APEH: variants seen among roughly 807,000 people sequenced by gnomAD.
The protein encoded by APEH is acylaminoacyl-peptide hydrolase, also known as acylamino-acid-releasing enzyme.
In APEH, 75 loss-of-function variants were observed where a neutral mutation model predicts 102.7. The ratio of observed to expected loss-of-function variants is 0.73; its 90% CI spans 0.61 to 0.89. The LOEUF (loss-of-function observed/expected upper bound fraction) is 0.89. APEH is among the 40% of genes least tolerant of loss of function. The pLI is 0.00. For synonymous variants in APEH, 344 were observed against 362.7 expected (o/e 0.95, Z 0.59); for missense variants, 863 against 941.2 (o/e 0.92, Z 1.09).
chr3:49,682,894 C>T lies in APEH; in HGVS notation c.1935C>T (p.Leu645=). The change falls in exon 20 of 22, where the codon CTC becomes CTT. Residue 645 remains leucine, a synonymous_variant. Transcript: ENST00000296456. ...TCAGCAGTGACTGCCTGCCAGACCTCAGCGTGTGGGCTGAGATGCTGGACA... is the reference window on the plus strand; with the variant it reads ...TCAGCAGTGACTGCCTGCCAGACCTTAGCGTGTGGGCTGAGATGCTGGACA... ...FPFSSDCLPD[L]SVWAEMLDKS... 1 of 1,614,078 alleles carries T rather than the reference C, an allele frequency of 6.2e-7. No individual in the cohort carries two copies. Among genetic ancestry groups the T allele is most frequent in the Non-Finnish European group, 8.5e-7 (1 of 1,180,038 alleles).
At chr3:49,682,112 G>C (rs901326401) in intron 17 of APEH, 145 bp downstream of exon 17, 2 of 1,010,586 alleles carry the variant, frequency 2.0e-6, no homozygotes, top group African/African-American at 1.6e-5. Context: ...GGAACTGCTG[G>C]GGCCCAGCCT....
Position 49,683,386 on chromosome 3 carries a change from C to A in APEH, c.*44C>A, listed in dbSNP as rs533443649. The A allele has an allele frequency of 1.9e-6, 3 of 1,542,022 alleles. No individual in the cohort carries two copies. Among genetic ancestry groups the A allele is most frequent in the Non-Finnish European group, 2.7e-6 (3 of 1,115,348 alleles). On this transcript the variant is annotated 3_prime_UTR_variant, in exon 22 of 22. Coordinates refer to ENST00000296456, the MANE Select transcript of APEH (RefSeq NM_001640.4). ...GAGCTGATCAGCCTGTGCCACACTT[C>A]GCTCTTGAGGAGCTCAACGGTCTGG...
chr3:49,680,219 C>T (rs148873990), intron 13 of APEH: 3 of 369,164 alleles, frequency 8.1e-6, no homozygotes, highest in South Asian at 2.4e-5. Context: ...CAAATCAGCA[C>T]GCTCCCCGAC....
In APEH at chr3:49,676,994, C is replaced by T. The variant is rs755202628; in HGVS notation, c.969C>T (p.Ile323=). The stretch of plus-strand genomic sequence containing the variant: ...TCTACCTGCAGTACCCATCTCTGAT[C>T]CCCCATCACCAATGCAGCCAGCTGT... ...RIVYLQYPSL[I]PHHQCSQLCL... is the part of the protein sequence containing the mutation. Residue 323 remains isoleucine (I), a synonymous_variant, in exon 10 of 22, where the codon ATC becomes ATT. Coordinates refer to ENST00000296456, the MANE Select transcript of APEH (RefSeq NM_001640.4). 2.5e-6 allele frequency: 4 copies of T among 1,614,128 alleles called. No individual in the cohort carries two copies. The highest frequency in any genetic ancestry group is 3.4e-6 in the Non-Finnish European group (4 of 1,180,030).
At chr3:49,674,747 G>A in intron 2 of APEH, 126 bp downstream of exon 2, 1 of 1,307,260 alleles carries the variant, frequency 7.6e-7, no homozygotes, top group Non-Finnish European at 1.0e-6. Context: ...GGACTTGGAG[G>A]TTACACTCCC....
rs370812363 is a variant in APEH, at chr3:49,674,534, C to T, written c.58C>T (p.Leu20Phe). The T allele has an allele frequency of 1.9e-6, 3 of 1,566,500 alleles. No individual in the cohort carries two copies. Among genetic ancestry groups the T allele is most frequent in the East Asian group, 2.3e-5 (1 of 43,578 alleles). The change falls in exon 2 of 22, where the codon CTT (leucine) becomes TTT (phenylalanine). Residue 20 changes from leucine to phenylalanine, a missense_variant. Transcript: ENST00000296456. The part of the protein sequence containing the change: ...PEEAAALYRG[L>F]SRQPALSAAC... The stretch of plus-strand genomic sequence containing the variant: ...GGAGGCGGCGGCTCTGTATCGGGGC[C>T]TTAGCCGCCAGCCCGCGCTGAGCGC...
In APEH at chr3:49,682,566, C is replaced by T. The variant is rs143205115; in HGVS notation, c.1713C>T (p.Leu571=). Residue 571 remains leucine, a synonymous_variant, in exon 19 of 22, where the codon CTC becomes CTT. Transcript: ENST00000296456. ...KDVQFAVEQV[L]QEEHFDASHV... is the part of the protein sequence containing the mutation. Reference sequence around the variant, plus strand: ...TGCAGTTTGCAGTGGAACAGGTGCTCCAGGAGGAACACTTTGATGCAAGCC... The same window carrying T: ...TGCAGTTTGCAGTGGAACAGGTGCTTCAGGAGGAACACTTTGATGCAAGCC... 38 of 1,613,994 alleles carry T rather than the reference C, an allele frequency of 2.4e-5. No individual in the cohort carries two copies. In the African/African-American group the frequency reaches 4.5e-4, roughly 19 times the overall value.
chr3:49,683,080 G>A lies in APEH; in HGVS notation c.2027G>A (p.Arg676Gln), dbSNP rs748006928. Reference sequence around the variant, plus strand: ...TTACTGATGTTGGGCCAGGAGGACCGGCGTGTGCCCTTCAAGCAGGGCATG... The same window carrying A: ...TTACTGATGTTGGGCCAGGAGGACCAGCGTGTGCCCTTCAAGCAGGGCATG... ...PLLLMLGQED[R>Q]RVPFKQGMEY... The change falls in exon 21 of 22, where the codon CGG becomes CAG. Residue 676 changes from arginine to glutamine, a missense_variant. Coordinates refer to ENST00000296456, the MANE Select transcript of APEH (RefSeq NM_001640.4). 9 of 1,613,944 alleles carry A rather than the reference G, an allele frequency of 5.6e-6. No homozygotes were observed. Among genetic ancestry groups the A allele is most frequent in the South Asian group, 1.1e-5 (1 of 91,092 alleles).
upstream of APEH, chr3:49,674,267 C>T: frequency 8.3e-7 from 1 of 1,204,026 alleles, no homozygotes; most frequent in East Asian, 2.7e-5. Flanking sequence ...CACCCATTAG[C>T]CGAAGGCCCC....
At chr3:49,681,067 A>T in intron 14 of APEH, 34 bp from the exon 15 acceptor site, 1 of 1,534,012 alleles carries the variant, frequency 6.5e-7, no homozygotes. Flanking sequence ...GGAGGCAGCC[A>T]GGCCACCTAT....
Position 49,682,609 on chromosome 3 carries a change from G to A in APEH, c.1756G>A (p.Gly586Ser), listed in dbSNP as rs768801840. 8.7e-6 allele frequency: 14 copies of A among 1,614,010 alleles called. No homozygotes were observed. Among genetic ancestry groups the A allele is most frequent in the African/African-American group, 1.3e-5 (1 of 74,938 alleles). Residue 586 changes from glycine to serine, a missense_variant, in exon 19 of 22, where the codon GGT (glycine) becomes AGT (serine). Coordinates refer to ENST00000296456, the MANE Select transcript of APEH (RefSeq NM_001640.4). The stretch of plus-strand genomic sequence containing the variant: ...TGCAAGCCATGTGGCCCTTATGGGT[G>A]GTTCCCATGGTGGCTTCATTTCCTG... ...FDASHVALMG[G>S]SHGGFISCHL...
Position 49,679,182 on chromosome 3 carries a change from G to A in APEH, c.1158+233G>A, listed in dbSNP as rs1161672727. Among the ~76,000 whole-genome samples, 2 of 152,186 alleles carry A rather than the reference G, an allele frequency of 1.3e-5. No individual in the cohort carries two copies. The highest frequency in any genetic ancestry group is 4.8e-5 in the African/African-American group (2 of 41,438). On this transcript the variant is annotated intron_variant, in intron 12 of 21. Coordinates refer to ENST00000296456, the MANE Select transcript of APEH (RefSeq NM_001640.4). This position sits in a 1 kb window ranked among gnomAD's most constrained non-coding sequence, Gnocchi z 4.3. ...GAGGCAGAGATGCAACCCCTCCCAGGCATTTCTAGCTGGGGGTCAAGGGGA... is the reference window on the plus strand; with the variant it reads ...GAGGCAGAGATGCAACCCCTCCCAGACATTTCTAGCTGGGGGTCAAGGGGA...
In APEH at chr3:49,682,623, C is replaced by T. The variant is rs776928529; in HGVS notation, c.1770C>T (p.Gly590=). Reference sequence around the variant, plus strand: ...CCCTTATGGGTGGTTCCCATGGTGGCTTCATTTCCTGCCACTTGATTGGTC... The same window carrying T: ...CCCTTATGGGTGGTTCCCATGGTGGTTTCATTTCCTGCCACTTGATTGGTC... ...HVALMGGSHG[G]FISCHLIGQY... is the part of the protein sequence containing the mutation. The change falls in exon 19 of 22, where the codon GGC becomes GGT. Residue 590 remains glycine (G), a synonymous_variant. Coordinates refer to ENST00000296456, the MANE Select transcript of APEH (RefSeq NM_001640.4). 1.2e-5 allele frequency: 20 copies of T among 1,613,988 alleles called. No homozygotes were observed. Among genetic ancestry groups the T allele is most frequent in the Admixed American group, 1.0e-4 (6 of 60,010 alleles).
chr3:49,681,073 C>T (rs1382588025), intron 14 of APEH, 28 bp from the exon 15 acceptor site: 2 of 1,553,730 alleles, frequency 1.3e-6, no homozygotes, highest in Middle Eastern at 1.7e-4. Flanking sequence ...AGCCAGGCCA[C>T]CTATGACACA....
At chr3:49,676,328 C>T in intron 6 of APEH, 50 bp from the exon 7 acceptor site, 1 of 1,613,088 alleles carries the variant, frequency 6.2e-7, no homozygotes, top group Non-Finnish European at 8.5e-7. Context: ...TTTTAGGAAG[C>T]AGAGCAGGTC....
In APEH at chr3:49,676,310, G is replaced by T. The variant is rs942606623; in HGVS notation, c.607-68G>T. The T allele has an allele frequency of 9.9e-6, 16 of 1,611,848 alleles. No individual in the cohort carries two copies. In the African/African-American group the frequency reaches 1.9e-4, roughly 19 times the overall value. Reference sequence around the variant, plus strand: ...TACTGTGCCTGTCAGACCTGGGGAGGCACTAGCTTTTAGGAAGCAGAGCAG... The same window carrying T: ...TACTGTGCCTGTCAGACCTGGGGAGTCACTAGCTTTTAGGAAGCAGAGCAG... On this transcript the variant is annotated intron_variant, in intron 6 of 21. Transcript: ENST00000296456.
In APEH at chr3:49,681,872, G is replaced by A. The variant is rs759037563; in HGVS notation, c.1523-15G>A. On this transcript the variant is annotated splice_polypyrimidine_tract_variant and intron_variant, in intron 16 of 21. Coordinates refer to ENST00000296456, the MANE Select transcript of APEH (RefSeq NM_001640.4). Reference sequence around the variant, plus strand: ...TTCCTAGCTGGCCCTTTCACCCTCCGCTCCCTGTCTGCAGGGGGGCCCCAT... The same window carrying A: ...TTCCTAGCTGGCCCTTTCACCCTCCACTCCCTGTCTGCAGGGGGGCCCCAT... 3.5e-5 allele frequency: 56 copies of A among 1,613,256 alleles called. No homozygotes were observed. In the East Asian group the frequency reaches 8.9e-4, roughly 26 times the overall value.
intron 4 of APEH, 32 bp from the exon 5 acceptor site, chr3:49,675,859 G>A (rs774343376): frequency 5.0e-6 from 8 of 1,613,546 alleles, no homozygotes; most frequent in South Asian, 3.3e-5. Context: ...CTCTGTTAGC[G>A]GGCAAACAGC....
upstream of APEH, chr3:49,674,248 A>T: frequency 1.0e-6 from 1 of 995,264 alleles, no homozygotes; most frequent in Non-Finnish European, 1.4e-6. Flanking sequence ...GCCCCCTGCC[A>T]ACGGTCCTCA....
Sources: gnomAD v4.1 joint callset for allele counts (sites outside exome capture counted in the v4.1 genomes callset) on GRCh38, gnomAD v4.1.1 for gene constraint, Gnocchi (gnomAD v3.1) non-coding constraint, MANE v1.5 for transcripts, NCBI Gene and HGNC (gene_info 2026-07-23, HGNC 2026-07-21) for gene names.